Variants in PCDHGB5 observed in about 807,000 individuals in gnomAD.
The protein encoded by PCDHGB5 is protocadherin gamma-B5.
PCDHGB5 carries 48 observed loss-of-function variants against 62.9 expected under a neutral mutation model. The observed-to-expected ratio is 0.76, with a 90% CI of 0.61 to 0.97. PCDHGB5 has a LOEUF of 0.97. PCDHGB5 is among the 50% of genes least tolerant of loss of function. The pLI is 0.00. For synonymous variants in PCDHGB5, 474 were observed against 511.2 expected, an observed-to-expected ratio of 0.93 and a Z score of 0.98; for missense variants, 1,118 against 1,198.6, an observed-to-expected ratio of 0.93 and a Z score of 0.99.
intron 1 of PCDHGB5, among the ~76,000 whole-genome samples, chr5:141,402,220 C>T (rs1489596372): frequency 2.0e-5 from 3 of 151,886 alleles, no homozygotes; most frequent in African/African-American, 2.4e-5. Context: ...TTAAAATAAA[C>T]GTTTTTCCAG....
intron 1 of PCDHGB5, among the ~76,000 whole-genome samples, chr5:141,454,773 G>A (rs1272535268): frequency 6.9e-6 from 1 of 144,540 alleles, no homozygotes; most frequent in East Asian, 2.0e-4. Flanking sequence ...TTTTTTACAA[G>A]GAAATAATCC....
chr5:141,501,292 C>CACAT (rs200296563), intron 2 of PCDHGB5, among the ~76,000 whole-genome samples: 14,029 of 50,334 alleles, frequency 0.28, 723 homozygotes, highest in Admixed American at 0.4. Flanking sequence ...TTCCCTTATA[C>CACAT]ACACACACAC....
intron 1 of PCDHGB5, chr5:141,418,973 C>T: frequency 3.1e-6 from 5 of 1,613,916 alleles, no homozygotes; most frequent in Non-Finnish European, 3.4e-6. Context: ...CTTCAAAACA[C>T]GGGACCAAGA....
chr5:141,402,994 C>A (rs1253121982), intron 1 of PCDHGB5: 1 of 1,613,722 alleles, frequency 6.2e-7, no homozygotes, highest in Non-Finnish European at 8.5e-7. Context: ...GAAGATTAGT[C>A]CTGCTATGCT....
At chr5:141,443,871 G>A (rs1395939418) in intron 1 of PCDHGB5, among the ~76,000 whole-genome samples, 1 of 152,112 alleles carries the variant, frequency 6.6e-6, no homozygotes, top group East Asian at 1.9e-4. Context: ...AAAAATTACT[G>A]ATAAGTCAAG....
chr5:141,497,239 G>A (rs2099775226), intron 2 of PCDHGB5, among the ~76,000 whole-genome samples: 1 of 152,104 alleles, frequency 6.6e-6, no homozygotes, highest in Admixed American at 6.5e-5. Flanking sequence ...AAGGCTTCTA[G>A]GAGGAGGTGA....
rs2099747616 is a variant in PCDHGB5 at position 141,493,318 on chromosome 5, TA to T, written c.2398-1487del. 6.6e-6 allele frequency among the ~76,000 whole-genome samples: 1 copy of T among 152,234 alleles called. No homozygotes were observed. Among genetic ancestry groups the T allele is most frequent in the South Asian group, 2.1e-4 (1 of 4,828 alleles). On this transcript the variant is annotated intron_variant, in intron 1 of 3. Coordinates refer to ENST00000617380, the MANE Select transcript of PCDHGB5 (RefSeq NM_018925.3). This position sits in a 1 kb window ranked among gnomAD's most constrained non-coding sequence, Gnocchi z 4.3. ...TTCACAGAGCAAGTAAGAGAGATTC[TA>T]ACCCCTGTCTAACTCCAGAATGTGT...
chr5:141,417,713 C>G, intron 1 of PCDHGB5: 1 of 1,271,750 alleles, frequency 7.9e-7, no homozygotes, highest in Non-Finnish European at 1.1e-6. Flanking sequence ...CAGAGGCTCC[C>G]GGCTGCGCAG....
rs1023379892 is a variant in PCDHGB5 at position 141,475,927 on chromosome 5, G to T, written c.2398-18880G>T. 1.3e-4 allele frequency: 80 copies of T among 628,362 alleles called. No individual in the cohort carries two copies. In the African/African-American group the frequency reaches 1.4e-3, roughly 11 times the overall value. The allele number at this position is 628,362 out of a possible 1,614,324, so 38.9% of individuals were successfully genotyped here. ...CGGCCAATGAAGACGCTGGAGATCG[G>T]GCCCCTGCCCGTCCCCTTTCTGCGC... On this transcript the variant is annotated intron_variant, in intron 1 of 3. Coordinates refer to ENST00000617380, the MANE Select transcript of PCDHGB5 (RefSeq NM_018925.3).
At chr5:141,458,907 A>AT (rs759653270) in intron 1 of PCDHGB5, among the ~76,000 whole-genome samples, 1 of 151,752 alleles carries the variant, frequency 6.6e-6, no homozygotes, top group Non-Finnish European at 1.5e-5. Context: ...AATTTTTTCT[A>AT]TTTTTTGTGG....
chr5:141,408,060 T>G (rs2095034623), intron 1 of PCDHGB5: 1 of 1,324,738 alleles, frequency 7.5e-7, no homozygotes, highest in Admixed American at 2.9e-5. Flanking sequence ...GCCTCCCGGC[T>G]GCGCAGACCT....
chr5:141,477,553 A>T lies in PCDHGB5; in HGVS notation c.2398-17254A>T, dbSNP rs1478806410. 6.2e-7 allele frequency: 1 copy of T among 1,614,090 alleles called. No homozygotes were observed. Among genetic ancestry groups the T allele is most frequent in the Admixed American group, 1.7e-5 (1 of 60,028 alleles). On this transcript the variant is annotated intron_variant, in intron 1 of 3. Coordinates refer to ENST00000617380, the MANE Select transcript of PCDHGB5 (RefSeq NM_018925.3). The surrounding 1 kb of genome is among the most constrained non-coding windows in gnomAD (Gnocchi z 4.9). ...TCCCCGGGGCTCCAATACTAAACCT[A>T]AGTGTCTGGGACCCCGACGCCCCGC...
intron 1 of PCDHGB5, chr5:141,423,648 G>A (rs1291261924): frequency 2.5e-6 from 4 of 1,590,008 alleles, no homozygotes; most frequent in Middle Eastern, 1.7e-4. Flanking sequence ...AATGTGACCC[G>A]ACAAGTAATC....
intron 2 of PCDHGB5, among the ~76,000 whole-genome samples, chr5:141,498,352 CA>C: frequency 6.6e-6 from 1 of 151,890 alleles, no homozygotes; most frequent in African/African-American, 2.4e-5. Flanking sequence ...AAAGCCTATG[CA>C]AAAGCCTTGT....
chr5:141,422,838 C>T (rs201218542), intron 1 of PCDHGB5: 182 of 1,614,252 alleles, frequency 1.1e-4, no homozygotes, highest in Middle Eastern at 1.6e-4. Context: ...TAGCACGTGA[C>T]AGCGGGGACC....
At chr5:141,450,551 G>T (rs2098684306) in intron 1 of PCDHGB5, among the ~76,000 whole-genome samples, 1 of 150,822 alleles carries the variant, frequency 6.6e-6, no homozygotes, top group Admixed American at 6.6e-5. Flanking sequence ...CAGTGGCGCA[G>T]TCTCGGCTCA....
Position 141,405,169 on chromosome 5 carries a change from C to G in PCDHGB5, c.2397+4645C>G, listed in dbSNP as rs377298438. 12 of 1,614,004 alleles carry G rather than the reference C, an allele frequency of 7.4e-6. No homozygotes were observed. The African/African-American group carries it at 1.6e-4, about 22-fold the overall frequency. On this transcript the variant is annotated intron_variant, in intron 1 of 3. Coordinates refer to ENST00000617380, the MANE Select transcript of PCDHGB5 (RefSeq NM_018925.3). ...GGTTGGCTGGTGTGCCCACCTCACA[C>G]TTTGTGGGTGTAGATGGGGTTCGAG...
intron 1 of PCDHGB5, chr5:141,430,816 C>G: frequency 6.5e-7 from 1 of 1,538,128 alleles, no homozygotes. Context: ...TGGGAATCCT[C>G]CTGGGGACTC....
At chr5:141,427,132 G>T (rs755992698) in intron 1 of PCDHGB5, 1 of 457,106 alleles carries the variant, frequency 2.2e-6, no homozygotes, top group Non-Finnish European at 4.4e-6. Context: ...AAATCCCTAC[G>T]AGATGATATT....
Sources: allele counts gnomAD v4.1 joint callset (sites outside exome capture counted in the v4.1 genomes callset), GRCh38; gene constraint gnomAD v4.1.1; non-coding constraint Gnocchi (gnomAD v3.1); transcripts MANE v1.5; gene names NCBI Gene and HGNC (gene_info 2026-07-23, HGNC 2026-07-21).